KDM5B: variants seen among roughly 807,000 people sequenced by gnomAD.
KDM5B encodes lysine demethylase 5B.
A neutral mutation model predicts 193.4 loss-of-function variants in KDM5B; 144 were observed. The observed-to-expected ratio is 0.74, with a 90% CI of 0.65 to 0.86. The LOEUF (loss-of-function observed/expected upper bound fraction) is 0.86. Among genes scored for constraint, KDM5B ranks in the 40% least tolerant of loss-of-function variants. The pLI, the probability that KDM5B is intolerant of heterozygous loss-of-function variation, is 0.00. For missense variants in KDM5B, 1,833 were observed against 1,886.9 expected (o/e 0.97, Z 0.53); for synonymous variants, 668 against 682.6 (o/e 0.98, Z 0.33).
At chr1:202,732,029 C>T in intron 23 of KDM5B, 90 bp from the exon 24 acceptor site, 1 of 691,096 alleles carries the variant, frequency 1.4e-6, no homozygotes, top group Admixed American at 3.5e-5. Context: ...ATTACCCAGG[C>T]AGGCAACCAG....
At chr1:202,801,671 T>C (rs1295227428) in intron 1 of KDM5B, among the ~76,000 whole-genome samples, 3 of 152,226 alleles carry the variant, frequency 2.0e-5, no homozygotes, top group Non-Finnish European at 4.4e-5. Flanking sequence ...TTTTCCTCTT[T>C]AATCCCATGC....
intron 4 of KDM5B, among the ~76,000 whole-genome samples, chr1:202,768,306 C>T (rs1330364157): frequency 6.6e-6 from 1 of 152,074 alleles, no homozygotes; most frequent in African/African-American, 2.4e-5. Context: ...CATAACAGGA[C>T]CCAGGAACAT....
chr1:202,729,643 G>T, intron 26 of KDM5B, 64 bp downstream of exon 26: 1 of 1,410,746 alleles, frequency 7.1e-7, no homozygotes, highest in Non-Finnish European at 9.7e-7. Flanking sequence ...GCGAGATGAG[G>T]TCTAGCTTAC....
intron 12 of KDM5B, among the ~76,000 whole-genome samples, chr1:202,751,271 GCTT>G (rs1655779095): frequency 6.6e-6 from 1 of 152,052 alleles, no homozygotes; most frequent in South Asian, 2.1e-4. Flanking sequence ...CTTATACTGA[GCTT>G]ATTATTATAT....
chr1:202,733,906 C>A lies in KDM5B; in HGVS notation c.3424-20G>T, dbSNP rs1219661478. On this transcript the variant is annotated intron_variant, in intron 22 of 26. Coordinates refer to ENST00000367265, the MANE Select transcript of KDM5B (RefSeq NM_006618.5). ...TGCCATCTGAAAAAGAGTTAACAAT[C>A]AAGGATGATGTCCGAGATGGCTTGG... The A allele has an allele frequency of 6.3e-7, 1 of 1,591,044 alleles. No individual in the cohort carries two copies. Among genetic ancestry groups the A allele is most frequent in the South Asian group, 1.2e-5 (1 of 86,602 alleles).
intron 2 of KDM5B, 127 bp from the exon 3 acceptor site, chr1:202,774,862 T>C (rs1302891975): frequency 6.3e-6 from 5 of 798,178 alleles, no homozygotes; most frequent in Non-Finnish European, 9.9e-6. Context: ...TTTAATTTAA[T>C]GCTCTTTCAG....
chr1:202,788,687 T>G (rs1220148709), intron 1 of KDM5B, among the ~76,000 whole-genome samples: 1 of 152,152 alleles, frequency 6.6e-6, no homozygotes, highest in Admixed American at 6.6e-5. Context: ...GAGAAGAAAT[T>G]TCAGATCCTT....
chr1:202,782,584 T>G (rs1435503073), intron 1 of KDM5B, among the ~76,000 whole-genome samples: 1 of 152,080 alleles, frequency 6.6e-6, no homozygotes, highest in Non-Finnish European at 1.5e-5. Flanking sequence ...AAGGTGAAAA[T>G]TTTGAAAAAT....
In KDM5B at chr1:202,783,955, T is replaced by C. The variant is rs898878746; in HGVS notation, c.205-6861A>G. Among the ~76,000 whole-genome samples the C allele has an allele frequency of 2.0e-5, 3 of 151,996 alleles. 1 individual carries two copies. The East Asian group carries it at 5.8e-4, about 29-fold the overall frequency. On this transcript the variant is annotated intron_variant, in intron 1 of 26. Coordinates refer to ENST00000367265, the MANE Select transcript of KDM5B (RefSeq NM_006618.5). Reference sequence around the variant, plus strand: ...CTTAGGAAGGCAATTAAGTAGAAAGTTGAAGCTTCAAAATCCTCAGAGGCC... The same window carrying C: ...CTTAGGAAGGCAATTAAGTAGAAAGCTGAAGCTTCAAAATCCTCAGAGGCC...
intron 1 of KDM5B, among the ~76,000 whole-genome samples, chr1:202,800,426 G>A (rs1448272443): frequency 6.6e-6 from 1 of 151,814 alleles, no homozygotes; most frequent in Non-Finnish European, 1.5e-5. Flanking sequence ...CCGCAACCTG[G>A]AACTTCTGAG....
intron 1 of KDM5B, among the ~76,000 whole-genome samples, chr1:202,783,867 G>A (rs542874416): frequency 7.8e-4 from 119 of 152,032 alleles, no homozygotes; most frequent in Non-Finnish European, 1.3e-3. Context: ...GGGACAGAGC[G>A]AGACTCTGTC....
chr1:202,796,698 C>T (rs140336516), intron 1 of KDM5B: 94 of 177,236 alleles, frequency 5.3e-4, no homozygotes, highest in Non-Finnish European at 1.1e-3. Flanking sequence ...GTGCCCTTCT[C>T]AGCCCTGTAC....
At chr1:202,761,017 C>T (rs12065096) in intron 7 of KDM5B, among the ~76,000 whole-genome samples, 11,673 of 150,390 alleles carry the variant, frequency 0.078, 539 homozygotes, top group African/African-American at 0.12. Context: ...GACAGAGACC[C>T]TGTCTCAGGA....
chr1:202,751,341 G>A (rs1002977592), intron 12 of KDM5B, among the ~76,000 whole-genome samples: 2 of 152,124 alleles, frequency 1.3e-5, no homozygotes, highest in Admixed American at 6.6e-5. Context: ...CTTACCTAGT[G>A]TACGGTCCCC....
intron 14 of KDM5B, among the ~76,000 whole-genome samples, chr1:202,747,701 C>A (rs1655616857): frequency 6.6e-6 from 1 of 151,916 alleles, no homozygotes. Flanking sequence ...AGTCAATTGT[C>A]TCTCTAAATA....
intron 1 of KDM5B, among the ~76,000 whole-genome samples, chr1:202,790,637 T>C (rs1657609461): frequency 1.3e-5 from 2 of 152,032 alleles, no homozygotes; most frequent in African/African-American, 4.8e-5. Context: ...GGAGAATTGC[T>C]TGAACCTGGG....
At chr1:202,755,040 G>C (rs1655951685) in intron 11 of KDM5B, among the ~76,000 whole-genome samples, 1 of 152,202 alleles carries the variant, frequency 6.6e-6, no homozygotes, top group Non-Finnish European at 1.5e-5. Flanking sequence ...GAATTACGTT[G>C]TTCTTGCAAA....
Position 202,767,089 on chromosome 1 carries a change from C to G in KDM5B, c.577-29G>C, listed in dbSNP as rs774123851. ...GAAATAACAACTGTACTGATAAATT[C>G]CCTCCTTTTTTTTTTCACATCATAA... On this transcript the variant is annotated intron_variant, in intron 4 of 26. Coordinates refer to ENST00000367265, the MANE Select transcript of KDM5B (RefSeq NM_006618.5). The G allele has an allele frequency of 2.4e-5, 39 of 1,604,768 alleles. No individual in the cohort carries two copies. In the African/African-American group the frequency reaches 4.3e-4, roughly 18 times the overall value.
At chr1:202,730,241 C>T (rs1394244314) in intron 25 of KDM5B, among the ~76,000 whole-genome samples, 1 of 152,134 alleles carries the variant, frequency 6.6e-6, no homozygotes, top group Non-Finnish European at 1.5e-5. Flanking sequence ...TTAATGCTAC[C>T]AAAGGATCAC....
Sources: gnomAD v4.1 joint callset for allele counts (sites outside exome capture counted in the v4.1 genomes callset) on GRCh38, gnomAD v4.1.1 for gene constraint, MANE v1.5 for transcripts, NCBI Gene and HGNC (gene_info 2026-07-23, HGNC 2026-07-21) for gene names.